GRM4: variants seen among roughly 807,000 people sequenced by gnomAD.
GRM4 encodes the protein glutamate metabotropic receptor 4.
Under a neutral mutation model 81.7 loss-of-function variants are expected in GRM4, and 28 were observed. The observed-to-expected ratio is 0.34, with a 90% CI of 0.25 to 0.47. The LOEUF is 0.47. Ranked by LOEUF, GRM4 falls within the 20% of genes least tolerant of loss-of-function variation. The pLI, the probability that GRM4 is intolerant of heterozygous loss-of-function variation, is 1.00. For synonymous variants in GRM4, 488 were observed against 528.8 expected, an observed-to-expected ratio of 0.92 and a Z score of 1.06; for missense variants, 948 against 1,290.0, an observed-to-expected ratio of 0.73 and a Z score of 4.06.
rs1770181033 is a variant in GRM4 at position 34,130,149 on chromosome 6, T to C, written c.519+2829A>G. 6.6e-6 allele frequency among the ~76,000 whole-genome samples: 1 copy of C among 152,216 alleles called. No homozygotes were observed. The highest frequency in any genetic ancestry group is 6.5e-5 in the Admixed American group (1 of 15,288). ...CCCCAAAGTTCAATCTTTTTGCTTCTGTAAATGGCTTTTAAGTTTCTCACC... is the reference window on the plus strand; with the variant it reads ...CCCCAAAGTTCAATCTTTTTGCTTCCGTAAATGGCTTTTAAGTTTCTCACC... On this transcript the variant is annotated intron_variant, in intron 2 of 10. Coordinates refer to ENST00000538487, the MANE Select transcript of GRM4 (RefSeq NM_000841.4). The surrounding 1 kb of genome is among the most constrained non-coding windows in gnomAD (Gnocchi z 4.1).
intron 2 of GRM4, among the ~76,000 whole-genome samples, chr6:34,099,068 G>A (rs1264738879): frequency 6.6e-6 from 1 of 152,236 alleles, no homozygotes; most frequent in East Asian, 1.9e-4. Flanking sequence ...AACCAGCCTA[G>A]TTGGGGAGTC....
chr6:34,061,731 C>T (rs992011936), intron 4 of GRM4, 162 bp downstream of exon 4: 4 of 671,394 alleles, frequency 6.0e-6, no homozygotes. Flanking sequence ...GTGCTCTAGC[C>T]TGTGGGTCTC....
chr6:34,131,940 C>T (rs1770252576), intron 2 of GRM4, among the ~76,000 whole-genome samples: 1 of 151,808 alleles, frequency 6.6e-6, no homozygotes, highest in Non-Finnish European at 1.5e-5. Flanking sequence ...TCCTCCCCTC[C>T]CTACACACAC....
Position 34,136,107 on chromosome 6 carries a change from T to C in GRM4, c.-363-2248A>G, listed in dbSNP as rs1770445429. 6.6e-6 allele frequency among the ~76,000 whole-genome samples: 1 copy of C among 152,244 alleles called. No individual in the cohort carries two copies. Among genetic ancestry groups the C allele is most frequent in the East Asian group, 1.9e-4 (1 of 5,196 alleles). ...TCACAGCAAAAGACAACCACTGCCA[T>C]GTGCCAAGCACTGTTCTAAGTGCTT... On this transcript the variant is annotated intron_variant, in intron 1 of 10. Coordinates refer to ENST00000538487, the MANE Select transcript of GRM4 (RefSeq NM_000841.4). The surrounding 1 kb of genome is among the most constrained non-coding windows in gnomAD (Gnocchi z 4.1).
chr6:34,107,226 T>A (rs1581704717), intron 2 of GRM4, among the ~76,000 whole-genome samples: 1 of 152,094 alleles, frequency 6.6e-6, no homozygotes, highest in African/African-American at 2.4e-5. Context: ...TGATCTCTGG[T>A]GGTGTCTGCA....
intron 2 of GRM4, among the ~76,000 whole-genome samples, chr6:34,129,872 G>C (rs1054257795): frequency 6.6e-6 from 1 of 152,170 alleles, no homozygotes; most frequent in Non-Finnish European, 1.5e-5. Flanking sequence ...GAAATCACCT[G>C]AGTGCCCCCA....
chr6:34,155,021 G>A (rs1771120220), intron 1 of GRM4: 2 of 1,361,222 alleles, frequency 1.5e-6, no homozygotes, highest in Admixed American at 2.3e-5. Flanking sequence ...CCACAGTGCT[G>A]GGCACCTCCC....
intron 1 of GRM4, among the ~76,000 whole-genome samples, chr6:34,134,957 C>G (rs1225414654): frequency 1.3e-5 from 2 of 152,234 alleles, no homozygotes; most frequent in East Asian, 3.8e-4. Context: ...ACCTCCCTCC[C>G]CACCACTTAG....
chr6:34,152,079 G>A lies in GRM4; in HGVS notation c.312+3000C>T, dbSNP rs112109575. Reference sequence around the variant, plus strand: ...CACAGGGCAAAGACCACACAAGCTCGTTAACTGATCGGCAGTTGAGAATAC... The same window carrying A: ...CACAGGGCAAAGACCACACAAGCTCATTAACTGATCGGCAGTTGAGAATAC... On this transcript the variant is annotated intron_variant, in intron 1 of 8. Transcript: ENST00000374177. The surrounding 1 kb of genome is among the most constrained non-coding windows in gnomAD (Gnocchi z 4.1). Among the ~76,000 whole-genome samples, 1,996 of 152,270 alleles carry A rather than the reference G, an allele frequency of 0.013. 54 individuals are homozygous for A. The highest frequency in any genetic ancestry group is 0.044 in the African/African-American group (1,830 of 41,554).
At chr6:34,026,099 C>G (rs145973717) in intron 10 of GRM4, among the ~76,000 whole-genome samples, 1 of 152,166 alleles carries the variant, frequency 6.6e-6, no homozygotes, top group African/African-American at 2.4e-5. Context: ...TGACAGTCCC[C>G]GTTTGTCACC....
exon 1 of GRM4, chr6:34,155,204 G>A: frequency 1.3e-6 from 2 of 1,535,694 alleles, no homozygotes; most frequent in Non-Finnish European, 8.7e-7. Context: ...GGCAGGGAGG[G>A]GCCTCTTGTG....
chr6:34,085,439 A>T (rs772661029), intron 3 of GRM4, among the ~76,000 whole-genome samples: 150 of 152,210 alleles, frequency 9.9e-4, no homozygotes, highest in Admixed American at 3.7e-3. Context: ...GTCAGTAGAG[A>T]GAGGAAGGGG....
At chr6:34,046,595 A>G (rs1025550912) in intron 6 of GRM4, among the ~76,000 whole-genome samples, 1 of 152,228 alleles carries the variant, frequency 6.6e-6, no homozygotes, top group Non-Finnish European at 1.5e-5. Flanking sequence ...TCCCATCCAC[A>G]GGGATAAATG....
chr6:34,029,917 T>C (rs1581585531), intron 9 of GRM4, among the ~76,000 whole-genome samples: 1 of 152,106 alleles, frequency 6.6e-6, no homozygotes, highest in Non-Finnish European at 1.5e-5. Flanking sequence ...TGGCCACTGG[T>C]TCAGGGAAAT....
In GRM4 at chr6:34,155,541, G is replaced by A. The variant is rs1771135151; in HGVS notation, c.-151C>T. On this transcript the variant is annotated 5_prime_UTR_variant, in exon 1 of 9. Transcript: ENST00000374177. Reference sequence around the variant, plus strand: ...AATTAAAATCTGTTTTTTTGTTTTGGGACAGACAGGGTCTCGCCATGTTGC... The same window carrying A: ...AATTAAAATCTGTTTTTTTGTTTTGAGACAGACAGGGTCTCGCCATGTTGC... 37 of 531,806 alleles carry A rather than the reference G, an allele frequency of 7.0e-5. No homozygotes were observed. In the South Asian group the frequency reaches 1.0e-3, roughly 15 times the overall value. 32.9% of individuals were successfully genotyped at this position (531,806 alleles called of 1,614,324 possible). A position where few individuals can be genotyped will look rare whatever the true frequency, so the allele number is the denominator to read the frequency against.
rs1220868022 is a variant in GRM4 at position 34,152,529 on chromosome 6, GTCC to G, written c.312+2547_312+2549del. On this transcript the variant is annotated intron_variant, in intron 1 of 8. Transcript: ENST00000374177. This position sits in a 1 kb window ranked among gnomAD's most constrained non-coding sequence, Gnocchi z 4.1. ...AGCAGCATTTCTGCAAACACCCCTT[GTCC>G]TCCTCCTCCTCTTCAGCTTTCTCCC... 1.3e-5 allele frequency among the ~76,000 whole-genome samples: 2 copies of G among 152,016 alleles called. No individual in the cohort carries two copies. The highest frequency in any genetic ancestry group is 2.9e-5 in the Non-Finnish European group (2 of 67,998).
intron 3 of GRM4, among the ~76,000 whole-genome samples, chr6:34,072,549 ACAT>A (rs1462161736): frequency 6.6e-6 from 1 of 152,166 alleles, no homozygotes; most frequent in Non-Finnish European, 1.5e-5. Flanking sequence ...ACAGACTCAC[ACAT>A]CACCACACAG....
intron 5 of GRM4, among the ~76,000 whole-genome samples, chr6:34,058,503 G>A (rs981728676): frequency 6.6e-6 from 1 of 152,162 alleles, no homozygotes; most frequent in Admixed American, 6.5e-5. Context: ...CCATTAACGA[G>A]AACGTCACAC....
chr6:34,141,722 G>C (rs1411324912), intron 1 of GRM4, among the ~76,000 whole-genome samples: 1 of 152,200 alleles, frequency 6.6e-6, no homozygotes, highest in African/African-American at 2.4e-5. Flanking sequence ...CTGGCTGCTA[G>C]CTAGCAGGCT....
Sources: allele counts gnomAD v4.1 joint callset (sites outside exome capture counted in the v4.1 genomes callset), GRCh38; gene constraint gnomAD v4.1.1; non-coding constraint Gnocchi (gnomAD v3.1); transcripts MANE v1.5; gene names NCBI Gene and HGNC (gene_info 2026-07-23, HGNC 2026-07-21).